DLG2: variants seen among roughly 807,000 people sequenced by gnomAD.
DLG2 encodes discs large MAGUK scaffold protein 2, also known as disks large homolog 2.
DLG2 carries 45 observed loss-of-function variants against 132.5 expected under a neutral mutation model. The observed-to-expected ratio is 0.34, with a 90% CI of 0.27 to 0.44. DLG2 has a LOEUF of 0.44. Among genes scored for constraint, DLG2 ranks in the 20% least tolerant of loss-of-function variants. DLG2 has a pLI of 1.00. For synonymous variants in DLG2, 424 were observed against 419.6 expected, an observed-to-expected ratio of 1.01 and a Z score of -0.13; for missense variants, 1,045 against 1,196.9, an observed-to-expected ratio of 0.87 and a Z score of 1.87.
chr11:85,487,636 T>A (rs1198870867), intron 3 of DLG2, among the ~76,000 whole-genome samples: 7 of 151,760 alleles, frequency 4.6e-5, no homozygotes, highest in East Asian at 1.9e-4. Flanking sequence ...CAAAAATTTT[T>A]AAAAAAATAA....
intron 6 of DLG2, among the ~76,000 whole-genome samples, chr11:84,662,882 G>A (rs2099696053): frequency 6.6e-6 from 1 of 151,344 alleles, no homozygotes; most frequent in Non-Finnish European, 1.5e-5. Context: ...CTGAGAAAAG[G>A]TGGAGCTATA....
chr11:85,233,254 G>A (rs1330262138), intron 4 of DLG2, among the ~76,000 whole-genome samples: 1 of 151,712 alleles, frequency 6.6e-6, no homozygotes, highest in African/African-American at 2.4e-5. Context: ...GGCATACAAA[G>A]GGCAGGAGGA....
intron 3 of DLG2, among the ~76,000 whole-genome samples, chr11:85,503,950 G>A (rs545032629): frequency 2.6e-5 from 4 of 151,322 alleles, no homozygotes; most frequent in South Asian, 2.1e-4. Context: ...GGAGGAGGAG[G>A]AGGAGGGACA....
At chr11:84,880,695 T>C (rs969082724) in intron 6 of DLG2, among the ~76,000 whole-genome samples, 3 of 152,074 alleles carry the variant, frequency 2.0e-5, no homozygotes, top group African/African-American at 7.2e-5. Context: ...GCTTAGGACA[T>C]GGTGTAGCTG....
intron 17 of DLG2, among the ~76,000 whole-genome samples, 174 bp from the exon 18 acceptor site, chr11:83,786,966 A>G (rs1282638058): frequency 6.6e-6 from 1 of 152,172 alleles, no homozygotes; most frequent in Non-Finnish European, 1.5e-5. Flanking sequence ...TTTAGTTAGG[A>G]GAGACATTAA....
chr11:83,641,339 T>C (rs2066452274), intron 18 of DLG2, among the ~76,000 whole-genome samples: 2 of 152,204 alleles, frequency 1.3e-5, no homozygotes, highest in African/African-American at 2.4e-5. Context: ...TAGAACACTA[T>C]TTACACCTCA....
intron 19 of DLG2, among the ~76,000 whole-genome samples, chr11:83,617,515 T>C (rs142783576): frequency 0.015 from 2,326 of 152,360 alleles, 35 homozygotes; most frequent in South Asian, 0.05. Flanking sequence ...TTTTTAATTA[T>C]AGCAGTCTAT....
intron 6 of DLG2, among the ~76,000 whole-genome samples, chr11:84,871,235 TCC>T (rs2085410809): frequency 6.6e-6 from 1 of 152,230 alleles, no homozygotes; most frequent in African/African-American, 2.4e-5. Context: ...TTTCCAGGCT[TCC>T]TGCATAAGGA....
chr11:85,256,837 G>A (rs1031152351), intron 4 of DLG2, among the ~76,000 whole-genome samples: 9 of 151,986 alleles, frequency 5.9e-5, no homozygotes, highest in African/African-American at 1.2e-4. Flanking sequence ...CAATACTTTC[G>A]ATACTATTAT....
chr11:84,167,676 T>G (rs1370923455), intron 8 of DLG2, among the ~76,000 whole-genome samples: 4 of 152,168 alleles, frequency 2.6e-5, no homozygotes. Context: ...AATAATTTTT[T>G]TTTTTTCGAG....
Position 85,434,406 on chromosome 11 carries a change from T to TA in DLG2, c.41-149042dup, listed in dbSNP as rs1020436408. 7.3e-5 allele frequency among the ~76,000 whole-genome samples: 11 copies of TA among 149,756 alleles called. 1 individual carries two copies. The highest frequency in any genetic ancestry group is 6.0e-4 in the Admixed American group (9 of 15,058). On this transcript the variant is annotated intron_variant, in intron 3 of 27. Coordinates refer to ENST00000376104, the MANE Select transcript of DLG2 (RefSeq NM_001142699.3). ...GGGGCTGTTTTTTTTGAAAAAATTT[T>TA]AAAAAAAAAATAGACCACTAACAGA...
intron 6 of DLG2, among the ~76,000 whole-genome samples, chr11:84,716,670 T>C (rs560796085): frequency 7.0e-6 from 1 of 142,960 alleles, no homozygotes; most frequent in Non-Finnish European, 1.5e-5. Context: ...TTCCCATAAA[T>C]AGCCTTGTAG....
At chr11:83,615,055 C>G (rs1479649708) in intron 19 of DLG2, among the ~76,000 whole-genome samples, 4 of 152,152 alleles carry the variant, frequency 2.6e-5, no homozygotes, top group African/African-American at 9.7e-5. Flanking sequence ...TCCCAAACTT[C>G]CTTTTACCTA....
chr11:84,129,590 T>C (rs1202596833), intron 9 of DLG2, among the ~76,000 whole-genome samples: 4 of 152,050 alleles, frequency 2.6e-5, no homozygotes, highest in Non-Finnish European at 5.9e-5. Context: ...GAAGAGTGTA[T>C]GGTAAGAAAA....
intron 9 of DLG2, among the ~76,000 whole-genome samples, chr11:84,162,421 T>A (rs975187361): frequency 6.6e-6 from 1 of 151,906 alleles, no homozygotes; most frequent in Non-Finnish European, 1.5e-5. Flanking sequence ...AGACCTTCTA[T>A]CCTTGCAATT....
At chr11:85,319,696 G>A (rs1195295665) in intron 3 of DLG2, among the ~76,000 whole-genome samples, 14 of 151,764 alleles carry the variant, frequency 9.2e-5, no homozygotes, top group Admixed American at 9.2e-4. Flanking sequence ...TGCCAAGACA[G>A]GTCACTGAGG....
chr11:84,931,549 TACC>T (rs761173829), intron 6 of DLG2, among the ~76,000 whole-genome samples: 2 of 152,176 alleles, frequency 1.3e-5, no homozygotes, highest in African/African-American at 4.8e-5. Flanking sequence ...GAAGAAAACA[TACC>T]ACATTTCTGC....
At chr11:84,241,470 G>C (rs2097223604) in intron 8 of DLG2, among the ~76,000 whole-genome samples, 1 of 152,146 alleles carries the variant, frequency 6.6e-6, no homozygotes, top group Non-Finnish European at 1.5e-5. Flanking sequence ...GTAAGAATAA[G>C]CCAGGCAGAG....
In DLG2 at chr11:83,980,654, G is replaced by C; in HGVS notation, c.920-12C>G. ...ACTGAAGCCTAAACCTATAAGAAAG[G>C]AACAGAAAATGGAAAGCCTTGTTTT... On this transcript the variant is annotated splice_polypyrimidine_tract_variant and intron_variant, in intron 11 of 27. Transcript: ENST00000376104. The C allele has an allele frequency of 6.4e-7, 1 of 1,551,942 alleles. No homozygotes were observed. The highest frequency in any genetic ancestry group is 1.2e-5 in the South Asian group (1 of 80,704).
Sources: gnomAD v4.1 joint callset for allele counts (sites outside exome capture counted in the v4.1 genomes callset) on GRCh38, gnomAD v4.1.1 for gene constraint, MANE v1.5 for transcripts, NCBI Gene and HGNC (gene_info 2026-07-23, HGNC 2026-07-21) for gene names.